Variants in SND1 observed in about 807,000 individuals in gnomAD.
SND1 encodes staphylococcal nuclease domain-containing protein 1.
A neutral mutation model predicts 121.7 loss-of-function variants in SND1; 38 were observed. That is an observed-to-expected ratio of 0.31 (90% CI 0.24 to 0.41). The LOEUF (loss-of-function observed/expected upper bound fraction) is 0.41. SND1 is among the 10% of genes least tolerant of loss of function. SND1 has a pLI of 1.00. For synonymous variants in SND1, 401 were observed against 447.4 expected (o/e 0.90, Z 1.31); for missense variants, 868 against 1,184.6 (o/e 0.73, Z 3.92).
At chr7:127,887,344 C>T (rs1799930422) in intron 12 of SND1, among the ~76,000 whole-genome samples, 1 of 152,044 alleles carries the variant, frequency 6.6e-6, no homozygotes, top group East Asian at 1.9e-4. Context: ...CTTCTCTCTT[C>T]ATTCATAGTC....
At chr7:127,705,423 A>G (rs1796170776) in intron 8 of SND1, among the ~76,000 whole-genome samples, 1 of 152,244 alleles carries the variant, frequency 6.6e-6, no homozygotes, top group Admixed American at 6.5e-5. Flanking sequence ...AGTGTGTTTC[A>G]GTTATAAACA....
chr7:127,910,593 T>G (rs1165742685), intron 14 of SND1, among the ~76,000 whole-genome samples: 1 of 152,174 alleles, frequency 6.6e-6, no homozygotes, highest in Non-Finnish European at 1.5e-5. Context: ...CCACCTAGTT[T>G]AGATTTATTT....
intron 13 of SND1, among the ~76,000 whole-genome samples, chr7:127,899,673 A>G (rs1434190885): frequency 2.0e-5 from 3 of 152,124 alleles, no homozygotes; most frequent in African/African-American, 7.2e-5. Context: ...GAGGAAAATG[A>G]TGATGTCGAT....
chr7:127,664,102 T>G (rs1368832495), intron 1 of SND1, among the ~76,000 whole-genome samples: 1 of 152,244 alleles, frequency 6.6e-6, no homozygotes, highest in Non-Finnish European at 1.5e-5. Context: ...CACAACTCGC[T>G]GCAGCCTCAG....
At chr7:128,067,986 C>T (rs893173861) in intron 16 of SND1, among the ~76,000 whole-genome samples, 2 of 152,094 alleles carry the variant, frequency 1.3e-5, no homozygotes, top group African/African-American at 4.8e-5. Flanking sequence ...TTACCAGAAG[C>T]AGCCTCCAGT....
At chr7:128,075,546 A>T (rs1245066084) in intron 17 of SND1, among the ~76,000 whole-genome samples, 1 of 152,200 alleles carries the variant, frequency 6.6e-6, no homozygotes, top group Non-Finnish European at 1.5e-5. Context: ...CACCAGCCCC[A>T]AGCAGCTGCC....
At chr7:127,922,199 T>TGTTTTGTTTTG (rs745628141) in intron 14 of SND1, among the ~76,000 whole-genome samples, 9 of 93,546 alleles carry the variant, frequency 9.6e-5, no homozygotes, top group Admixed American at 2.3e-4. Context: ...TTTTTTTTTT[T>TGTTTTGTTTTG]TTTTGTTTTG....
chr7:127,884,754 C>T (rs565395282), intron 12 of SND1, among the ~76,000 whole-genome samples: 110 of 152,234 alleles, frequency 7.2e-4, no homozygotes, highest in African/African-American at 2.5e-3. Flanking sequence ...TCTAATCCTT[C>T]TTGGCACGTG....
Position 128,004,038 on chromosome 7 carries a change from C to CTT in SND1, c.1779+12997_1779+12998dup, listed in dbSNP as rs34590935. Among the ~76,000 whole-genome samples, 285 of 131,068 alleles carry CTT rather than the reference C, an allele frequency of 2.2e-3. 2 individuals carry two copies. In the South Asian group the frequency reaches 0.033, roughly 15 times the overall value. The allele number at this position is 131,068 out of a possible 152,430, so 86.0% of individuals were successfully genotyped here. A position where few individuals can be genotyped will look rare whatever the true frequency, so the allele number is the denominator to read the frequency against. Reference sequence around the variant, plus strand: ...CATCAGCAGCTTTGTAACTTACTTTCTTTTTTTTTTTTTTTTGCCCTATGT... The same window carrying CTT: ...CATCAGCAGCTTTGTAACTTACTTTCTTTTTTTTTTTTTTTTTTGCCCTATGT... On this transcript the variant is annotated intron_variant, in intron 16 of 23. Coordinates refer to ENST00000354725, the MANE Select transcript of SND1 (RefSeq NM_014390.4).
At chr7:127,989,312 G>C (rs1802466822) in intron 15 of SND1, among the ~76,000 whole-genome samples, 1 of 152,184 alleles carries the variant, frequency 6.6e-6, no homozygotes. Context: ...TCTTTCTCCT[G>C]GCCTAGCATT....
chr7:127,833,674 G>C lies in SND1; in HGVS notation c.1243-10650G>C, dbSNP rs1045100276. On this transcript the variant is annotated intron_variant, in intron 11 of 23. Coordinates refer to ENST00000354725, the MANE Select transcript of SND1 (RefSeq NM_014390.4). ...TACTAATGTGTGGGCAGAACAGCCT[G>C]GGGGGTTGAGAGAGAGAGAGAGAGA... 1.5e-4 allele frequency among the ~76,000 whole-genome samples: 23 copies of C among 152,214 alleles called. No homozygotes were observed. The East Asian group carries it at 1.9e-3, about 13-fold the overall frequency.
At chr7:127,783,229 A>G (rs967082975) in intron 10 of SND1, among the ~76,000 whole-genome samples, 1 of 152,226 alleles carries the variant, frequency 6.6e-6, no homozygotes, top group African/African-American at 2.4e-5. Flanking sequence ...CTATTACAGA[A>G]GTGAAATCTG....
At chr7:127,819,404 T>C (rs969960611) in intron 11 of SND1, among the ~76,000 whole-genome samples, 5 of 152,244 alleles carry the variant, frequency 3.3e-5, no homozygotes, top group African/African-American at 9.6e-5. Context: ...TTTTCTACCC[T>C]CTAAAAAGAT....
chr7:127,822,297 TA>T (rs1798562162), intron 11 of SND1, among the ~76,000 whole-genome samples: 1 of 152,168 alleles, frequency 6.6e-6, no homozygotes, highest in Non-Finnish European at 1.5e-5. Flanking sequence ...CCACCAAAAA[TA>T]GTGTCTTTGC....
intron 14 of SND1, among the ~76,000 whole-genome samples, chr7:127,907,241 T>C (rs1170958603): frequency 1.3e-5 from 2 of 152,178 alleles, no homozygotes; most frequent in Admixed American, 1.3e-4. Flanking sequence ...CCTTCTTCCC[T>C]TCTTTCCATC....
chr7:127,809,750 T>C (rs1798300019), intron 11 of SND1, among the ~76,000 whole-genome samples: 1 of 152,218 alleles, frequency 6.6e-6, no homozygotes, highest in African/African-American at 2.4e-5. Flanking sequence ...TTCCATAATA[T>C]GACAATTTTG....
intron 14 of SND1, among the ~76,000 whole-genome samples, chr7:127,910,336 TG>T (rs1672564676): frequency 6.6e-6 from 1 of 151,784 alleles, no homozygotes; most frequent in African/African-American, 2.4e-5. Context: ...CCCAGCTACT[TG>T]GGAGGCTGAG....
intron 13 of SND1, chr7:127,904,545 G>A: frequency 2.3e-6 from 1 of 427,400 alleles, no homozygotes; most frequent in Non-Finnish European, 4.3e-6. Context: ...CTGGTAACAG[G>A]GCTTAAGAGA....
At chr7:127,746,583 G>A (rs1796986971) in intron 10 of SND1, among the ~76,000 whole-genome samples, 1 of 152,162 alleles carries the variant, frequency 6.6e-6, no homozygotes, top group Non-Finnish European at 1.5e-5. Context: ...CAGGCATCCT[G>A]CTGGTATGGT....
Sources: allele counts gnomAD v4.1 joint callset (sites outside exome capture counted in the v4.1 genomes callset), GRCh38; gene constraint gnomAD v4.1.1; transcripts MANE v1.5; gene names NCBI Gene and HGNC (gene_info 2026-07-23, HGNC 2026-07-21).